Variants in ACP7 observed in about 807,000 individuals in gnomAD.
ACP7 encodes acid phosphatase 7, tartrate resistant (putative).
Under a neutral mutation model 60.6 loss-of-function variants are expected in ACP7, and 58 were observed. The ratio of observed to expected loss-of-function variants is 0.96; its 90% CI spans 0.77 to 1.19. ACP7 has a LOEUF of 1.19. Ranked by LOEUF, ACP7 falls within the 50% of genes most tolerant of loss-of-function variation. The pLI is 0.00. For missense variants in ACP7, 574 were observed against 596.2 expected, an observed-to-expected ratio of 0.96 and a Z score of 0.39; for synonymous variants, 237 against 232.6, an observed-to-expected ratio of 1.02 and a Z score of -0.17.
rs67888880 is a variant in ACP7 at position 39,092,771 on chromosome 19, C to CTTT, written c.122-5665_122-5663dup. On this transcript the variant is annotated intron_variant, in intron 2 of 12. Transcript: ENST00000331256. The stretch of plus-strand genomic sequence containing the variant: ...ATCCCTACTACTCTTTCCCATTCCT[C>CTTT]TTTTTTTTTTTTTTTTTTTTTTTTG... Among the ~76,000 whole-genome samples, 1,125 of 114,486 alleles carry CTTT rather than the reference C, an allele frequency of 9.8e-3. 6 individuals are homozygous for CTTT. The highest frequency in any genetic ancestry group is 0.013 in the East Asian group (41 of 3,230). The allele number at this position is 114,486 out of a possible 152,430, so 75.1% of individuals were successfully genotyped here.
chr19:39,100,876 T>C (rs768345473), intron 7 of ACP7, 23 bp downstream of exon 7: 1 of 1,611,590 alleles, frequency 6.2e-7, no homozygotes, highest in South Asian at 1.1e-5. Context: ...GAGGCCCCTA[T>C]AGTCCCCTGG....
At chr19:39,098,333 T>G in intron 2 of ACP7, 125 bp from the exon 3 acceptor site, 1 of 538,280 alleles carries the variant, frequency 1.9e-6, no homozygotes, top group Non-Finnish European at 3.0e-6. Flanking sequence ...CTTGGGCAGT[T>G]CCAGAACCTG....
In ACP7 at chr19:39,100,258, C is replaced by T. The variant is rs145111354; in HGVS notation, c.537C>T (p.Asn179=). The T allele has an allele frequency of 3.2e-5, 51 of 1,613,976 alleles. No individual in the cohort carries two copies. The highest frequency in any genetic ancestry group is 1.5e-4 in the African/African-American group (11 of 74,896). ...TTGCCTACAACCTGGATCAGGACAA[C>T]GCCCGTGTTGGGGATAGGTTCATGC... The part of the protein sequence containing the change: ...GDFAYNLDQD[N]ARVGDRFMRL... Residue 179 remains asparagine, a synonymous_variant, in exon 5 of 13, where the codon AAC becomes AAT. Coordinates refer to ENST00000331256, the MANE Select transcript of ACP7 (RefSeq NM_001004318.3).
At position 39,110,652 on chromosome 19, in the gene ACP7, G is replaced by A. The variant is rs543172746; in HGVS notation, c.*534G>A. ...CACTGCTCCAGGACTGCTATGAAGAGTCCCTTCATGCCTCAGTTTCCCAGC... is the reference window on the plus strand; with the variant it reads ...CACTGCTCCAGGACTGCTATGAAGAATCCCTTCATGCCTCAGTTTCCCAGC... On this transcript the variant is annotated 3_prime_UTR_variant, in exon 13 of 13. Transcript: ENST00000331256. The A allele has an allele frequency of 4.6e-5, 7 of 153,080 alleles. No homozygotes were observed. The highest frequency in any genetic ancestry group is 1.7e-4 in the African/African-American group (7 of 41,566). The allele number at this position is 153,080 out of a possible 1,614,324, so 9.5% of individuals were successfully genotyped here. A position where few individuals can be genotyped will look rare whatever the true frequency, so the allele number is the denominator to read the frequency against.
intron 2 of ACP7, among the ~76,000 whole-genome samples, chr19:39,091,507 C>T (rs774553394): frequency 3.9e-5 from 6 of 152,168 alleles, no homozygotes; most frequent in Non-Finnish European, 5.9e-5. Flanking sequence ...GATCTGGGCA[C>T]TAGGTGTGCT....
chr19:39,092,940 G>A (rs2073220659), intron 2 of ACP7, among the ~76,000 whole-genome samples: 1 of 151,396 alleles, frequency 6.6e-6, no homozygotes. Context: ...ACTACACCCA[G>A]CTAATTTTTG....
At chr19:39,095,119 A>C (rs1307998956) in intron 2 of ACP7, among the ~76,000 whole-genome samples, 1 of 152,160 alleles carries the variant, frequency 6.6e-6, no homozygotes, top group African/African-American at 2.4e-5. Flanking sequence ...GGCCCCTCCA[A>C]ATCTCATGTC....
At position 39,104,528 on chromosome 19, in the gene ACP7, G is replaced by A. The variant is rs527873014; in HGVS notation, c.1114-2419G>A. 1.4e-4 allele frequency among the ~76,000 whole-genome samples: 22 copies of A among 152,304 alleles called. No homozygotes were observed. In the East Asian group the frequency reaches 4.1e-3, roughly 28 times the overall value. ...GCTTCTCACGGCCCTTGGCAGCCAGGCTCTGCCCATGGGTGATTGCTATTC... is the reference window on the plus strand; with the variant it reads ...GCTTCTCACGGCCCTTGGCAGCCAGACTCTGCCCATGGGTGATTGCTATTC... On this transcript the variant is annotated intron_variant, in intron 11 of 12. Coordinates refer to ENST00000331256, the MANE Select transcript of ACP7 (RefSeq NM_001004318.3).
At chr19:39,109,972 A>G in intron 12 of ACP7, 81 bp from the exon 13 acceptor site, 1 of 1,383,822 alleles carries the variant, frequency 7.2e-7, no homozygotes, top group Non-Finnish European at 1.0e-6. Context: ...GAGGGCAGAG[A>G]GGGGACTGGA....
At chr19:39,096,198 T>A (rs976615311) in intron 2 of ACP7, among the ~76,000 whole-genome samples, 14 of 152,242 alleles carry the variant, frequency 9.2e-5, no homozygotes, top group African/African-American at 3.1e-4. Context: ...TATCCCATCA[T>A]CAGGCTGCAA....
chr19:39,091,156 TTTTC>T (rs2073199620), intron 2 of ACP7, among the ~76,000 whole-genome samples: 2 of 151,312 alleles, frequency 1.3e-5, no homozygotes, highest in African/African-American at 2.4e-5. Flanking sequence ...TTCCAGTTTC[TTTTC>T]TTTCTTTTTT....
chr19:39,101,217 C>T lies in ACP7; in HGVS notation c.973+10C>T. 7 of 1,614,160 alleles carry T rather than the reference C, an allele frequency of 4.3e-6. No individual in the cohort carries two copies. Among genetic ancestry groups the T allele is most frequent in the Non-Finnish European group, 5.1e-6 (6 of 1,180,018 alleles). ...CTTTTCTACAAATATGGTGAGCGACCCTCAGGACCCATGCCCCACACCCCA... is the reference window on the plus strand; with the variant it reads ...CTTTTCTACAAATATGGTGAGCGACTCTCAGGACCCATGCCCCACACCCCA... On this transcript the variant is annotated intron_variant, in intron 9 of 12. Transcript: ENST00000331256.
chr19:39,099,719 G>T (rs879852571), intron 4 of ACP7, among the ~76,000 whole-genome samples: 1 of 151,868 alleles, frequency 6.6e-6, no homozygotes, highest in East Asian at 1.9e-4. Flanking sequence ...TGGGCCAGGC[G>T]CAGTGGCTCA....
At chr19:39,104,627 T>C (rs2073392539) in intron 11 of ACP7, among the ~76,000 whole-genome samples, 1 of 152,214 alleles carries the variant, frequency 6.6e-6, no homozygotes, top group Admixed American at 6.5e-5. Context: ...CTTACGCCTG[T>C]AATCTCAACA....
intron 3 of ACP7, 48 bp from the exon 4 acceptor site, chr19:39,098,912 G>T (rs1357910419): frequency 2.9e-6 from 3 of 1,025,666 alleles, no homozygotes; most frequent in South Asian, 1.7e-5. Flanking sequence ...TTGGAGGGAG[G>T]GTCCCGGGGC....
intron 2 of ACP7, among the ~76,000 whole-genome samples, chr19:39,089,730 A>G (rs1600252562): frequency 6.6e-6 from 1 of 152,150 alleles, no homozygotes; most frequent in African/African-American, 2.4e-5. Context: ...TATTTTGTAC[A>G]GTATCTCTCG....
At chr19:39,089,041 T>A (rs2073175817) in intron 2 of ACP7, among the ~76,000 whole-genome samples, 1 of 152,092 alleles carries the variant, frequency 6.6e-6, no homozygotes, top group African/African-American at 2.4e-5. Context: ...GCGATTCTCC[T>A]GCCTCAGTCT....
At chr19:39,088,725 G>A (rs2073170997) in intron 2 of ACP7, among the ~76,000 whole-genome samples, 1 of 122,842 alleles carries the variant, frequency 8.1e-6, no homozygotes, top group African/African-American at 3.9e-5. Context: ...CGATCTTTGT[G>A]GGTTTGTTTG....
intron 2 of ACP7, among the ~76,000 whole-genome samples, chr19:39,090,371 G>A (rs2073190513): frequency 1.3e-5 from 2 of 152,026 alleles, no homozygotes; most frequent in Admixed American, 6.6e-5. Context: ...GTTTCACTGT[G>A]TTGCCCAGGC....
Sources: gnomAD v4.1 joint callset for allele counts (sites outside exome capture counted in the v4.1 genomes callset) on GRCh38, gnomAD v4.1.1 for gene constraint, MANE v1.5 for transcripts, NCBI Gene and HGNC (gene_info 2026-07-23, HGNC 2026-07-21) for gene names.